The following ZBTB20 variants were observed in gnomAD, a reference collection of about 807,000 sequenced individuals.
ZBTB20 encodes zinc finger and BTB domain-containing protein 20.
Under a neutral mutation model 56.9 loss-of-function variants are expected in ZBTB20, and 9 were observed. The ratio of observed to expected loss-of-function variants is 0.16; its 90% CI spans 0.10 to 0.28. The LOEUF (loss-of-function observed/expected upper bound fraction) is 0.28, where lower values mean the gene tolerates loss of function less well. Ranked by LOEUF, ZBTB20 falls within the 10% of genes least tolerant of loss-of-function variation. The pLI, the probability that ZBTB20 is intolerant of heterozygous loss-of-function variation, is 1.00. For missense variants in ZBTB20, 655 were observed against 1,003.0 expected, an observed-to-expected ratio of 0.65 and a Z score of 4.69; for synonymous variants, 417 against 420.7, an observed-to-expected ratio of 0.99 and a Z score of 0.11.
chr3:114,652,205 C>A (rs2060174091), intron 6 of ZBTB20, among the ~76,000 whole-genome samples: 1 of 152,002 alleles, frequency 6.6e-6, no homozygotes. Flanking sequence ...TAATTTCTAT[C>A]TCCCATAAAC....
chr3:114,966,034 T>C (rs1320110172), intron 3 of ZBTB20, among the ~76,000 whole-genome samples: 1 of 152,168 alleles, frequency 6.6e-6, no homozygotes, highest in Non-Finnish European at 1.5e-5. Flanking sequence ...CATAAACTAA[T>C]GAGTTTTAAA....
At chr3:115,104,117 T>C (rs907281627) in intron 1 of ZBTB20, among the ~76,000 whole-genome samples, 10 of 152,310 alleles carry the variant, frequency 6.6e-5, no homozygotes, top group East Asian at 5.8e-4. Flanking sequence ...TTATATGTCA[T>C]TGGGGAAATG....
intron 2 of ZBTB20, among the ~76,000 whole-genome samples, chr3:115,008,046 T>C (rs928777196): frequency 2.0e-5 from 3 of 151,842 alleles, no homozygotes; most frequent in Non-Finnish European, 4.4e-5. Flanking sequence ...TTTCCTTGAG[T>C]GATTATATTC....
chr3:114,998,272 C>T (rs1238204443), intron 2 of ZBTB20, among the ~76,000 whole-genome samples: 2 of 151,666 alleles, frequency 1.3e-5, no homozygotes, highest in African/African-American at 4.8e-5. Flanking sequence ...TGTGCATGCA[C>T]TCATTTTTTG....
intron 6 of ZBTB20, among the ~76,000 whole-genome samples, chr3:114,619,578 C>A (rs149182405): frequency 2.0e-5 from 3 of 152,012 alleles, no homozygotes; most frequent in Non-Finnish European, 4.4e-5. Flanking sequence ...CAGCACAATA[C>A]CATCTAGGGT....
chr3:115,012,288 AC>A (rs2108266391), intron 2 of ZBTB20, among the ~76,000 whole-genome samples: 1 of 151,922 alleles, frequency 6.6e-6, no homozygotes, highest in South Asian at 2.1e-4. Flanking sequence ...GAACAAACAA[AC>A]AAAAAAGATC....
At chr3:114,905,356 C>T (rs1264169063) in intron 3 of ZBTB20, among the ~76,000 whole-genome samples, 2 of 151,668 alleles carry the variant, frequency 1.3e-5, no homozygotes, top group African/African-American at 4.8e-5. Flanking sequence ...TTGTATACAT[C>T]CCTGGGGTCT....
chr3:114,467,600 C>T (rs866885081), intron 7 of ZBTB20, among the ~76,000 whole-genome samples: 4 of 152,142 alleles, frequency 2.6e-5, no homozygotes, highest in African/African-American at 9.7e-5. Context: ...CCTCTTATTG[C>T]TTTCTACCCT....
intron 1 of ZBTB20, among the ~76,000 whole-genome samples, chr3:115,146,893 G>A (rs1397558509): frequency 6.6e-6 from 1 of 150,992 alleles, no homozygotes; most frequent in East Asian, 2.0e-4. Flanking sequence ...CGCCCGCCCC[G>A]CCACCCTTCG....
At chr3:114,364,900 C>A (rs933117958) in intron 10 of ZBTB20, among the ~76,000 whole-genome samples, 6 of 152,130 alleles carry the variant, frequency 3.9e-5, no homozygotes, top group African/African-American at 1.4e-4. Flanking sequence ...CCTCAGTTTG[C>A]ACCTGTAATT....
chr3:114,710,680 C>G (rs527876247), intron 5 of ZBTB20, among the ~76,000 whole-genome samples: 1 of 152,194 alleles, frequency 6.6e-6, no homozygotes, highest in Admixed American at 6.5e-5. Flanking sequence ...CATCCCCTCC[C>G]CACTGCCATT....
chr3:114,868,839 T>C (rs2075875609), intron 4 of ZBTB20, among the ~76,000 whole-genome samples: 1 of 152,108 alleles, frequency 6.6e-6, no homozygotes, highest in African/African-American at 2.4e-5. Flanking sequence ...GGCAACTCAA[T>C]ATAACAATAC....
chr3:114,735,686 C>T (rs974521527), intron 5 of ZBTB20, among the ~76,000 whole-genome samples: 1 of 151,964 alleles, frequency 6.6e-6, no homozygotes, highest in African/African-American at 2.4e-5. Flanking sequence ...TCAATGGAAA[C>T]CTCTTTAATT....
In ZBTB20 at chr3:115,002,085, A is replaced by G. The variant is rs117304473; in HGVS notation, c.-506-27669T>C. On this transcript the variant is annotated intron_variant, in intron 2 of 11. Coordinates refer to ENST00000675478, the MANE Select transcript of ZBTB20 (RefSeq NM_001348800.3). ...AGAGAGAGGCCAGAAATTGACCCAC[A>G]TAAGTACAGTCAACTGTTCTTTGAC... Among the ~76,000 whole-genome samples the G allele has an allele frequency of 8.9e-4, 135 of 151,682 alleles. 1 individual carries two copies. In the East Asian group the frequency reaches 0.024, roughly 27 times the overall value.
intron 5 of ZBTB20, among the ~76,000 whole-genome samples, chr3:114,768,170 A>AAC (rs2068917758): frequency 6.6e-6 from 1 of 151,984 alleles, no homozygotes; most frequent in South Asian, 2.1e-4. Flanking sequence ...ACCGAGCAAA[A>AAC]ACACACACAC....
intron 4 of ZBTB20, among the ~76,000 whole-genome samples, chr3:114,816,957 A>C (rs977586906): frequency 2.6e-5 from 4 of 152,150 alleles, no homozygotes; most frequent in African/African-American, 9.7e-5. Flanking sequence ...GTAGTTTCCA[A>C]GACAATAAAA....
intron 6 of ZBTB20, among the ~76,000 whole-genome samples, chr3:114,545,095 T>G (rs2049709503): frequency 6.6e-6 from 1 of 152,196 alleles, no homozygotes; most frequent in Non-Finnish European, 1.5e-5. Flanking sequence ...TCCATGAGCA[T>G]CATCTCTGTA....
chr3:114,764,432 T>A (rs1343400757), intron 5 of ZBTB20, among the ~76,000 whole-genome samples: 2 of 152,160 alleles, frequency 1.3e-5, no homozygotes. Flanking sequence ...CAGAACCACA[T>A]GGGCTACCCT....
At chr3:114,882,857 AT>A (rs2076449453) in intron 4 of ZBTB20, among the ~76,000 whole-genome samples, 1 of 152,086 alleles carries the variant, frequency 6.6e-6, no homozygotes, top group Non-Finnish European at 1.5e-5. Context: ...TACCATTCAA[AT>A]TTTTTAACCC....
Sources: allele counts gnomAD v4.1 joint callset (sites outside exome capture counted in the v4.1 genomes callset), GRCh38; gene constraint gnomAD v4.1.1; transcripts MANE v1.5; gene names NCBI Gene and HGNC (gene_info 2026-07-23, HGNC 2026-07-21).